PCDHGA8: variants seen among roughly 807,000 people sequenced by gnomAD.
The protein encoded by PCDHGA8 is protocadherin gamma-A8.
Under a neutral mutation model 59.2 loss-of-function variants are expected in PCDHGA8, and 45 were observed. That is an observed-to-expected ratio of 0.76 (90% CI 0.60 to 0.98). The LOEUF (loss-of-function observed/expected upper bound fraction) is 0.98, where lower values mean the gene tolerates loss of function less well. PCDHGA8 is among the 50% of genes least tolerant of loss of function. PCDHGA8 has a pLI of 0.00. For synonymous variants in PCDHGA8, 531 were observed against 519.0 expected, an observed-to-expected ratio of 1.02 and a Z score of -0.32; for missense variants, 1,257 against 1,196.2, an observed-to-expected ratio of 1.05 and a Z score of -0.75.
In PCDHGA8 at chr5:141,431,797, A is replaced by T. The variant is rs754056771; in HGVS notation, c.2424+36560A>T. 6.2e-7 allele frequency: 1 copy of T among 1,614,256 alleles called. No homozygotes were observed. The highest frequency in any genetic ancestry group is 2.2e-5 in the East Asian group (1 of 44,882). ...TGGACGTGAACGACAATGCCCCAGAAGTGGTCCTCACCTCTCTCGCCAGCT... is the reference window on the plus strand; with the variant it reads ...TGGACGTGAACGACAATGCCCCAGATGTGGTCCTCACCTCTCTCGCCAGCT... On this transcript the variant is annotated intron_variant, in intron 1 of 3. Coordinates refer to ENST00000398604, the MANE Select transcript of PCDHGA8 (RefSeq NM_032088.2). This position sits in a 1 kb window ranked among gnomAD's most constrained non-coding sequence, Gnocchi z 4.8.
chr5:141,431,673 G>A lies in PCDHGA8; in HGVS notation c.2424+36436G>A. On this transcript the variant is annotated intron_variant, in intron 1 of 3. Coordinates refer to ENST00000398604, the MANE Select transcript of PCDHGA8 (RefSeq NM_032088.2). The surrounding 1 kb of genome is among the most constrained non-coding windows in gnomAD (Gnocchi z 4.8). ...AATTCAGGGACAATATCAACAATAG[G>A]GGAGTTGGACCACGAGGAGTCAGGA... 1 of 1,614,214 alleles carries A rather than the reference G, an allele frequency of 6.2e-7. No homozygotes were observed. The highest frequency in any genetic ancestry group is 8.5e-7 in the Non-Finnish European group (1 of 1,180,044).
At chr5:141,400,500 C>T (rs1025270322) in intron 1 of PCDHGA8, 1 of 1,613,922 alleles carries the variant, frequency 6.2e-7, no homozygotes, top group Non-Finnish European at 8.5e-7. Flanking sequence ...GTAATTCCAG[C>T]GAGTCGACTT....
In PCDHGA8 at chr5:141,431,543, C is replaced by T. The variant is rs1334234544; in HGVS notation, c.2424+36306C>T. The T allele has an allele frequency of 1.9e-6, 3 of 1,614,128 alleles. No individual in the cohort carries two copies. The highest frequency in any genetic ancestry group is 2.5e-6 in the Non-Finnish European group (3 of 1,180,036). ...GAATCTGGCCTTGGGCACGCAGCTGCTTGTAGTCAACGCTACCGACCCTGA... is the reference window on the plus strand; with the variant it reads ...GAATCTGGCCTTGGGCACGCAGCTGTTTGTAGTCAACGCTACCGACCCTGA... On this transcript the variant is annotated intron_variant, in intron 1 of 3. Transcript: ENST00000398604. This position sits in a 1 kb window ranked among gnomAD's most constrained non-coding sequence, Gnocchi z 4.8.
At chr5:141,474,323 C>T (rs1176074252) in intron 1 of PCDHGA8, among the ~76,000 whole-genome samples, 2 of 152,186 alleles carry the variant, frequency 1.3e-5, no homozygotes, top group Non-Finnish European at 2.9e-5. Context: ...GTTTTCAAAT[C>T]ACCCTGATGT....
intron 1 of PCDHGA8, among the ~76,000 whole-genome samples, chr5:141,454,268 G>A (rs2098785692): frequency 6.6e-6 from 1 of 152,126 alleles, no homozygotes; most frequent in African/African-American, 2.4e-5. Context: ...AGTAATGCCA[G>A]CAAAAACTTC....
intron 1 of PCDHGA8, chr5:141,422,772 C>A: frequency 6.2e-7 from 1 of 1,613,922 alleles, no homozygotes. Flanking sequence ...CTGGTGTTCT[C>A]TATGCCCTAC....
At chr5:141,397,824 A>G (rs2093574037) in intron 1 of PCDHGA8, among the ~76,000 whole-genome samples, 3 of 152,240 alleles carry the variant, frequency 2.0e-5, no homozygotes, top group Admixed American at 2.0e-4. Flanking sequence ...CAATTACTGC[A>G]CTGGTTAACT....
intron 1 of PCDHGA8, chr5:141,417,697 C>T: frequency 8.8e-7 from 1 of 1,140,966 alleles, no homozygotes; most frequent in Non-Finnish European, 1.2e-6. Context: ...AAAACCAGCT[C>T]CCACACAGAG....
intron 1 of PCDHGA8, among the ~76,000 whole-genome samples, chr5:141,447,896 G>C (rs2098554754): frequency 6.6e-6 from 1 of 152,022 alleles, no homozygotes; most frequent in African/African-American, 2.4e-5. Flanking sequence ...GACCAGCCTG[G>C]CCAACATGGT....
At chr5:141,457,750 C>G (rs900052683) in intron 1 of PCDHGA8, among the ~76,000 whole-genome samples, 4 of 152,188 alleles carry the variant, frequency 2.6e-5, no homozygotes, top group African/African-American at 9.6e-5. Flanking sequence ...AAGCTGAGCC[C>G]AGACATGGGT....
At chr5:141,472,807 G>T (rs573078292) in intron 1 of PCDHGA8, among the ~76,000 whole-genome samples, 43 of 151,782 alleles carry the variant, frequency 2.8e-4, no homozygotes, top group African/African-American at 1.0e-3. Flanking sequence ...CCAACATGGA[G>T]AAACCCCCGT....
At chr5:141,421,478 G>T in intron 1 of PCDHGA8, 1 of 1,614,130 alleles carries the variant, frequency 6.2e-7, no homozygotes, top group Non-Finnish European at 8.5e-7. Flanking sequence ...CGAAGCGGCA[G>T]CTTGATCACG....
rs769153122 is a variant in PCDHGA8 at position 141,485,243 on chromosome 5, C to T, written c.2425-9564C>T. 8 of 1,614,062 alleles carry T rather than the reference C, an allele frequency of 5.0e-6. No homozygotes were observed. In the Admixed American group the frequency reaches 1.2e-4, roughly 24 times the overall value. ...TACCCTTTTGTTCCTCTTTTACCACCTGGGTTACGTTTGTGGGCAGATCCG... is the reference window on the plus strand; with the variant it reads ...TACCCTTTTGTTCCTCTTTTACCACTTGGGTTACGTTTGTGGGCAGATCCG... On this transcript the variant is annotated intron_variant, in intron 1 of 3. Transcript: ENST00000398604. The surrounding 1 kb of genome is among the most constrained non-coding windows in gnomAD (Gnocchi z 5.7).
rs1025148587 is a variant in PCDHGA8, at chr5:141,431,434, C to T, written c.2424+36197C>T. ...GGGGCGACCCGGTGCGCACAGGCAC[C>T]GCGCGCATCCGCGTGATGGTTCTGG... On this transcript the variant is annotated intron_variant, in intron 1 of 3. Transcript: ENST00000398604. This position sits in a 1 kb window ranked among gnomAD's most constrained non-coding sequence, Gnocchi z 4.8. The T allele has an allele frequency of 6.2e-7, 1 of 1,613,690 alleles. No homozygotes were observed. The highest frequency in any genetic ancestry group is 1.3e-5 in the African/African-American group (1 of 75,072).
At chr5:141,455,552 G>T (rs897699654) in intron 1 of PCDHGA8, among the ~76,000 whole-genome samples, 1 of 152,144 alleles carries the variant, frequency 6.6e-6, no homozygotes, top group African/African-American at 2.4e-5. Flanking sequence ...CGTAGCCCGA[G>T]AAAAAGCTGG....
chr5:141,402,880 A>G (rs886365174), intron 1 of PCDHGA8: 2 of 1,474,944 alleles, frequency 1.4e-6, no homozygotes, highest in Non-Finnish European at 1.8e-6. Flanking sequence ...CATACTTTGC[A>G]GGGTGGAAGA....
In PCDHGA8 at chr5:141,421,902, C is replaced by T. The variant is rs1218675162; in HGVS notation, c.2424+26665C>T. 4 of 1,613,706 alleles carry T rather than the reference C, an allele frequency of 2.5e-6. No homozygotes were observed. The South Asian group carries it at 3.3e-5, about 13-fold the overall frequency. On this transcript the variant is annotated intron_variant, in intron 1 of 3. Coordinates refer to ENST00000398604, the MANE Select transcript of PCDHGA8 (RefSeq NM_032088.2). Reference sequence around the variant, plus strand: ...ATGGAGGCGATCCCATCCGAAAGGGCGCAGTTCCCATTCGTGTGGTGGTCC... The same window carrying T: ...ATGGAGGCGATCCCATCCGAAAGGGTGCAGTTCCCATTCGTGTGGTGGTCC...
rs368785983 is a variant in PCDHGA8 at position 141,393,012 on chromosome 5, G to A, written c.199G>A (p.Val67Ile). The A allele has an allele frequency of 1.4e-5, 23 of 1,613,724 alleles. No homozygotes were observed. Among genetic ancestry groups the A allele is most frequent in the Non-Finnish European group, 1.9e-5 (23 of 1,179,884 alleles). The part of the protein sequence containing the change: ...RKLAKHGVRI[V>I]SRGRTQLFAL... ...GCTGGCGAAGCACGGAGTCCGTATC[G>A]TCTCCAGAGGTAGGACGCAGCTCTT... Residue 67 changes from valine to isoleucine, a missense_variant, in exon 1 of 4, where the codon GTC becomes ATC. By Grantham distance (29) the Val-to-Ile change is conservative (BLOSUM62 3). Transcript: ENST00000398604.
chr5:141,419,945 T>C (rs2096451536), intron 1 of PCDHGA8: 4 of 1,614,088 alleles, frequency 2.5e-6, no homozygotes, highest in Middle Eastern at 1.6e-4. Context: ...GGTGGTGGCC[T>C]TGGCCTTGAT....
Sources: allele counts gnomAD v4.1 joint callset (sites outside exome capture counted in the v4.1 genomes callset), GRCh38; gene constraint gnomAD v4.1.1; non-coding constraint Gnocchi (gnomAD v3.1); transcripts MANE v1.5; gene names NCBI Gene and HGNC (gene_info 2026-07-23, HGNC 2026-07-21).